Variants in XYLT1 observed in about 807,000 individuals in gnomAD.
The protein encoded by XYLT1 is beta-D-xylosyltransferase 1.
XYLT1 carries 36 observed loss-of-function variants against 91.3 expected under a neutral mutation model. The ratio of observed to expected loss-of-function variants is 0.39; its 90% CI spans 0.30 to 0.52. The LOEUF is 0.52. Ranked by LOEUF, XYLT1 falls within the 20% of genes least tolerant of loss-of-function variation. The pLI, the probability that XYLT1 is intolerant of heterozygous loss-of-function variation, is 0.68. For missense variants in XYLT1, 1,242 were observed against 1,284.5 expected (o/e 0.97, Z 0.51); for synonymous variants, 588 against 532.0 (o/e 1.11, Z -1.45).
intron 3 of XYLT1, among the ~76,000 whole-genome samples, chr16:17,217,771 G>A (rs2032887171): frequency 2.0e-5 from 3 of 152,154 alleles, no homozygotes; most frequent in Admixed American, 2.0e-4. Flanking sequence ...GCCAGGGGAG[G>A]AGAGAGATGG....
intron 2 of XYLT1, among the ~76,000 whole-genome samples, chr16:17,316,908 G>A (rs376027380): frequency 1.5e-4 from 23 of 150,046 alleles, no homozygotes; most frequent in African/African-American, 4.4e-4. Context: ...TGCAGGCTCC[G>A]TCACCTGGGG....
In XYLT1 at chr16:17,117,891, T is replaced by G. The variant is rs1376447145; in HGVS notation, c.2312A>C (p.Lys771Thr). The G allele has an allele frequency of 1.2e-6, 2 of 1,614,046 alleles. No homozygotes were observed. The highest frequency in any genetic ancestry group is 2.2e-5 in the East Asian group (1 of 44,862). ...GPMDEPVGMQ[K>T]WGKGPNVTVT... ...GGTCACATTAGGTCCCTTCCCCCAC[T>G]TCTGCATACCCACCGGCTCATCCAT... is the stretch of plus-strand genomic sequence containing the variant. Residue 771 changes from lysine (K) to threonine (T), a missense_variant, in exon 11 of 12, where the codon AAG becomes ACG. Coordinates refer to ENST00000261381, the MANE Select transcript of XYLT1 (RefSeq NM_022166.4).
At chr16:17,185,550 T>C (rs1283564223) in intron 5 of XYLT1, among the ~76,000 whole-genome samples, 1 of 152,212 alleles carries the variant, frequency 6.6e-6, no homozygotes, top group African/African-American at 2.4e-5. Context: ...CCAAGTATGC[T>C]TTCCCACGAA....
chr16:17,244,303 G>T (rs996650526), intron 3 of XYLT1, among the ~76,000 whole-genome samples: 7 of 152,106 alleles, frequency 4.6e-5, no homozygotes, highest in Admixed American at 1.3e-4. Flanking sequence ...GCCCAAGTGT[G>T]GCCGGCAAGC....
chr16:17,172,753 G>A (rs2031854668), intron 5 of XYLT1, among the ~76,000 whole-genome samples: 2 of 152,134 alleles, frequency 1.3e-5, no homozygotes, highest in Admixed American at 6.6e-5. Context: ...GATAACAGGC[G>A]TGAGCCACCG....
At chr16:17,333,747 C>T (rs971432744) in intron 2 of XYLT1, among the ~76,000 whole-genome samples, 33 of 151,978 alleles carry the variant, frequency 2.2e-4, no homozygotes, top group African/African-American at 7.2e-4. Context: ...ACCACCATGC[C>T]TGGCCCATTT....
intron 8 of XYLT1, among the ~76,000 whole-genome samples, chr16:17,136,389 A>T (rs1264670767): frequency 1.3e-5 from 2 of 152,170 alleles, no homozygotes; most frequent in East Asian, 3.9e-4. Context: ...TCTCATTGCC[A>T]GTCTGCTTCA....
Position 17,332,601 on chromosome 16 carries a change from C to A in XYLT1, c.402+25411G>T, listed in dbSNP as rs190842469. 6.9e-3 allele frequency among the ~76,000 whole-genome samples: 1,049 copies of A among 151,440 alleles called. 4 individuals carry two copies. Among genetic ancestry groups the A allele is most frequent in the Non-Finnish European group, 0.012 (806 of 67,712 alleles). On this transcript the variant is annotated intron_variant, in intron 2 of 11. Coordinates refer to ENST00000261381, the MANE Select transcript of XYLT1 (RefSeq NM_022166.4). ...ACACACACACACACACACACACACA[C>A]ACACACACACGGCTTCCTGAGCAAA... is the stretch of plus-strand genomic sequence containing the variant.
At chr16:17,380,964 A>G (rs1362244484) in intron 1 of XYLT1, among the ~76,000 whole-genome samples, 1 of 152,256 alleles carries the variant, frequency 6.6e-6, no homozygotes, top group Admixed American at 6.5e-5. Context: ...AAAATCATAG[A>G]CACAGAAAGA....
At chr16:17,350,805 G>A (rs2035210026) in intron 2 of XYLT1, among the ~76,000 whole-genome samples, 1 of 152,138 alleles carries the variant, frequency 6.6e-6, no homozygotes. Flanking sequence ...TCGAAGCCCA[G>A]AGCCGGAAGA....
intron 1 of XYLT1, among the ~76,000 whole-genome samples, chr16:17,466,826 T>C (rs993129745): frequency 1.3e-5 from 2 of 152,156 alleles, no homozygotes; most frequent in Non-Finnish European, 2.9e-5. Flanking sequence ...TATTCAATGA[T>C]GCATATTTCT....
chr16:17,133,105 T>C (rs1004261484), intron 9 of XYLT1, among the ~76,000 whole-genome samples: 1 of 152,176 alleles, frequency 6.6e-6, no homozygotes, highest in Non-Finnish European at 1.5e-5. Context: ...TAACCCACAC[T>C]AGTCTCCCTT....
chr16:17,271,414 A>G (rs7184618), intron 2 of XYLT1, among the ~76,000 whole-genome samples: 21,885 of 151,962 alleles, frequency 0.14, 2,616 homozygotes, highest in African/African-American at 0.33. Flanking sequence ...AGAGAGAAAG[A>G]TACAGAGAGA....
At chr16:17,458,914 CAAG>C (rs752578365) in intron 1 of XYLT1, among the ~76,000 whole-genome samples, 1 of 151,804 alleles carries the variant, frequency 6.6e-6, no homozygotes. Flanking sequence ...AATATTCACC[CAAG>C]AAGAAGAGAG....
intron 1 of XYLT1, among the ~76,000 whole-genome samples, chr16:17,390,716 T>C (rs1173106637): frequency 6.6e-6 from 1 of 152,220 alleles, no homozygotes; most frequent in Non-Finnish European, 1.5e-5. Flanking sequence ...GTAAAGCTAA[T>C]GTAGGTCCAT....
intron 1 of XYLT1, among the ~76,000 whole-genome samples, chr16:17,466,513 A>G (rs766159184): frequency 7.2e-5 from 11 of 152,248 alleles, no homozygotes; most frequent in Non-Finnish European, 1.5e-4. Flanking sequence ...CTCTTCTATT[A>G]AAACCATGAA....
intron 6 of XYLT1, among the ~76,000 whole-genome samples, chr16:17,154,934 T>C (rs2031369483): frequency 6.6e-6 from 1 of 152,222 alleles, no homozygotes; most frequent in South Asian, 2.1e-4. Context: ...TCTCTGTCTT[T>C]CAAGATCTCT....
At chr16:17,307,148 A>T (rs1350697630) in intron 2 of XYLT1, among the ~76,000 whole-genome samples, 2 of 152,120 alleles carry the variant, frequency 1.3e-5, no homozygotes, top group Non-Finnish European at 2.9e-5. Context: ...ACATTATCTC[A>T]GGTCACTGTA....
intron 5 of XYLT1, among the ~76,000 whole-genome samples, chr16:17,184,744 A>C (rs1397053433): frequency 6.6e-6 from 1 of 152,194 alleles, no homozygotes; most frequent in African/African-American, 2.4e-5. Flanking sequence ...CTCAATGAGC[A>C]TCTATTTAAT....
Sources: allele counts gnomAD v4.1 joint callset (sites outside exome capture counted in the v4.1 genomes callset), GRCh38; gene constraint gnomAD v4.1.1; transcripts MANE v1.5; gene names NCBI Gene and HGNC (gene_info 2026-07-23, HGNC 2026-07-21).